The following TCF25 variants were observed in gnomAD, a reference collection of about 807,000 sequenced individuals.
TCF25 encodes TCF25 ribosome quality control complex subunit, also known as ribosome quality control complex subunit TCF25.
TCF25 carries 41 observed loss-of-function variants against 83.1 expected under a neutral mutation model. The observed-to-expected ratio is 0.49, with a 90% CI of 0.38 to 0.64. TCF25 has a LOEUF of 0.64. Ranked by LOEUF, TCF25 falls within the 30% of genes least tolerant of loss-of-function variation. The pLI is 0.00. For missense variants in TCF25, 979 were observed against 914.5 expected (o/e 1.07, Z -0.91); for synonymous variants, 458 against 365.0 (o/e 1.25, Z -2.90).
intron 14 of TCF25, among the ~76,000 whole-genome samples, chr16:89,905,322 C>G (rs779170913): frequency 6.6e-6 from 1 of 152,178 alleles, no homozygotes; most frequent in Non-Finnish European, 1.5e-5. Context: ...AGCTGCTGTT[C>G]CCGGGTGCCT....
intron 1 of TCF25, among the ~76,000 whole-genome samples, chr16:89,881,473 T>C (rs1336997703): frequency 5.3e-5 from 8 of 151,858 alleles, no homozygotes; most frequent in Admixed American, 3.3e-4. Context: ...AGAGCTAGAG[T>C]CTTGCTCTGT....
At position 89,903,082 on chromosome 16, in the gene TCF25, T is replaced by C. The variant is rs565086449; in HGVS notation, c.1382-1036T>C. On this transcript the variant is annotated intron_variant, in intron 12 of 17. Coordinates refer to ENST00000263346, the MANE Select transcript of TCF25 (RefSeq NM_014972.3). ...CTGGGGCTGCATGCAGCTGGCCATA[T>C]GCTCCACCAGTGCAGCCGTGTCTGG... Among the ~76,000 whole-genome samples the C allele has an allele frequency of 3.3e-5, 5 of 152,366 alleles. No homozygotes were observed. In the South Asian group the frequency reaches 1.0e-3, roughly 32 times the overall value.
At chr16:89,906,452 A>C (rs1248943930) in intron 15 of TCF25, 168 bp downstream of exon 15, 1 of 631,912 alleles carries the variant, frequency 1.6e-6, no homozygotes, top group Non-Finnish European at 2.8e-6. Context: ...CTTTCCTGGC[A>C]GCCCGGGTTC....
chr16:89,900,596 G>T, intron 11 of TCF25, 39 bp from the exon 12 acceptor site: 2 of 1,539,082 alleles, frequency 1.3e-6, no homozygotes, highest in South Asian at 2.4e-5. Context: ...TTGTCTTTAT[G>T]ACTTAAGGCT....
chr16:89,888,961 A>G (rs942311708), intron 5 of TCF25, among the ~76,000 whole-genome samples: 1 of 149,680 alleles, frequency 6.7e-6, no homozygotes, highest in Non-Finnish European at 1.5e-5. Flanking sequence ...TGCTGGGATT[A>G]CAGGCGTGAG....
intron 1 of TCF25, chr16:89,878,666 A>T: frequency 9.3e-6 from 10 of 1,070,174 alleles, no homozygotes; most frequent in Non-Finnish European, 1.1e-5. Flanking sequence ...TTTGAGACGG[A>T]GTCTTGCGCT....
chr16:89,903,298 C>A (rs1418381661), intron 12 of TCF25, among the ~76,000 whole-genome samples: 1 of 152,278 alleles, frequency 6.6e-6, no homozygotes, highest in African/African-American at 2.4e-5. Context: ...TGCCCTCAAC[C>A]TGCAGTGCTG....
Position 89,900,728 on chromosome 16 carries a change from G to C in TCF25, c.1315G>C (p.Glu439Gln), listed in dbSNP as rs2044254455. The change falls in exon 12 of 18, where the codon GAG becomes CAG. Residue 439 changes from glutamate to glutamine, a missense_variant. By Grantham distance (29) the Glu-to-Gln change is conservative. Transcript: ENST00000263346. ...CCAGCAGACAGACCTCCCTGAGTGT[G>C]AGCAGAGCTCTGCCAGGCAGAAGGC... ...LSQQTDLPEC[E>Q]QSSARQKASL... The C allele has an allele frequency of 6.2e-7, 1 of 1,603,232 alleles. No homozygotes were observed. The highest frequency in any genetic ancestry group is 8.5e-7 in the Non-Finnish European group (1 of 1,170,856).
intron 1 of TCF25, among the ~76,000 whole-genome samples, chr16:89,878,295 A>G (rs1207560673): frequency 6.6e-6 from 1 of 151,084 alleles, no homozygotes; most frequent in Non-Finnish European, 1.5e-5. Flanking sequence ...AAAAAAAAAG[A>G]CAACCTCAGG....
intron 1 of TCF25, 103 bp from the exon 2 acceptor site, chr16:89,883,248 G>C: frequency 6.7e-7 from 1 of 1,496,488 alleles, no homozygotes; most frequent in Non-Finnish European, 9.1e-7. Context: ...ACTGACCCTG[G>C]GGGTCCCCAA....
chr16:89,907,173 ACT>A, intron 15 of TCF25, 68 bp from the exon 16 acceptor site: 1 of 1,472,022 alleles, frequency 6.8e-7, no homozygotes, highest in Non-Finnish European at 9.5e-7. Flanking sequence ...CGACAGAAGG[ACT>A]CTGCTGGGAG....
intron 9 of TCF25, among the ~76,000 whole-genome samples, chr16:89,897,919 C>T (rs1455669201): frequency 6.6e-6 from 1 of 152,094 alleles, no homozygotes; most frequent in Admixed American, 6.6e-5. Context: ...ATCGAGACCA[C>T]GGTGAAACCC....
At chr16:89,903,170 C>T (rs565256390) in intron 12 of TCF25, among the ~76,000 whole-genome samples, 2 of 152,250 alleles carry the variant, frequency 1.3e-5, no homozygotes, top group African/African-American at 4.8e-5. Context: ...CAGGCTGTAG[C>T]GTCAGCACCT....
chr16:89,902,946 C>CT (rs1199357347), intron 12 of TCF25, among the ~76,000 whole-genome samples: 3 of 152,214 alleles, frequency 2.0e-5, no homozygotes, highest in Non-Finnish European at 4.4e-5. Flanking sequence ...GGTTGGGCAG[C>CT]TTCTAGCACA....
At chr16:89,896,549 ATT>A (rs869089266) in intron 9 of TCF25, among the ~76,000 whole-genome samples, 7,448 of 111,966 alleles carry the variant, frequency 0.067, 207 homozygotes, top group East Asian at 0.22. Context: ...TCAAAACAGC[ATT>A]TTTTTTTTTT....
At chr16:89,897,007 G>A (rs1159272318) in intron 9 of TCF25, among the ~76,000 whole-genome samples, 2 of 151,398 alleles carry the variant, frequency 1.3e-5, no homozygotes, top group Admixed American at 1.3e-4. Context: ...AGCCTGGGCA[G>A]CAGAGTGAGA....
At chr16:89,893,616 T>C in intron 6 of TCF25, 112 bp from the exon 7 acceptor site, 1 of 1,537,126 alleles carries the variant, frequency 6.5e-7, no homozygotes. Flanking sequence ...CAGGTCAAGT[T>C]TGTCGATATC....
At position 89,910,764 on chromosome 16, in the gene TCF25, C is replaced by T. The variant is rs114214471; in HGVS notation, c.1872+101C>T. 558 of 1,343,818 alleles carry T rather than the reference C, an allele frequency of 4.2e-4. 2 individuals carry two copies. In the African/African-American group the frequency reaches 5.2e-3, roughly 12 times the overall value. 83.2% of individuals were successfully genotyped at this position (1,343,818 alleles called of 1,614,324 possible). On this transcript the variant is annotated intron_variant, in intron 17 of 17. Coordinates refer to ENST00000263346, the MANE Select transcript of TCF25 (RefSeq NM_014972.3). ...CTCCTTGAACCAGGACTGTGCCAGCCGGCACAGGGAGCAGGGAAGGACCAA... is the reference window on the plus strand; with the variant it reads ...CTCCTTGAACCAGGACTGTGCCAGCTGGCACAGGGAGCAGGGAAGGACCAA...
At position 89,873,598 on chromosome 16, in the gene TCF25, AGGCGC is replaced by A; in HGVS notation, c.-68_-64del. On this transcript the variant is annotated 5_prime_UTR_variant, in exon 1 of 18. Coordinates refer to ENST00000263346, the MANE Select transcript of TCF25 (RefSeq NM_014972.3). ...CCCCGACCCCGCGCGAAGAGTGCGC[AGGCGC>A]GCCGACAGCCGAGTTTTCTGCGCTT... 1 of 977,670 alleles carries A rather than the reference AGGCGC, an allele frequency of 1.0e-6. No individual in the cohort carries two copies. Among genetic ancestry groups the A allele is most frequent in the Non-Finnish European group, 1.3e-6 (1 of 745,366 alleles). The allele number at this position is 977,670 out of a possible 1,614,324, so 60.6% of individuals were successfully genotyped here.
Sources: gnomAD v4.1 joint callset for allele counts (sites outside exome capture counted in the v4.1 genomes callset) on GRCh38, gnomAD v4.1.1 for gene constraint, MANE v1.5 for transcripts, NCBI Gene and HGNC (gene_info 2026-07-23, HGNC 2026-07-21) for gene names.